ANXA10: variants seen among roughly 807,000 people sequenced by gnomAD.
ANXA10 encodes the protein annexin 14.
A neutral mutation model predicts 53.5 loss-of-function variants in ANXA10; 49 were observed. The observed-to-expected ratio is 0.92, with a 90% CI of 0.73 to 1.16. The LOEUF (loss-of-function observed/expected upper bound fraction) is 1.16, where lower values mean the gene tolerates loss of function less well. Ranked by LOEUF, ANXA10 falls within the 50% of genes most tolerant of loss-of-function variation. ANXA10 has a pLI of 0.00. For synonymous variants in ANXA10, 131 were observed against 128.9 expected (o/e 1.02, Z -0.11); for missense variants, 393 against 394.4 (o/e 1.00, Z 0.03).
intron 1 of ANXA10, among the ~76,000 whole-genome samples, chr4:168,106,196 A>G (rs1362717346): frequency 6.6e-6 from 1 of 152,050 alleles, no homozygotes; most frequent in Non-Finnish European, 1.5e-5. Context: ...ATCTTTGTCC[A>G]TTCCTATTAC....
intron 1 of ANXA10, among the ~76,000 whole-genome samples, chr4:168,102,117 T>G (rs1259513751): frequency 6.6e-6 from 1 of 152,098 alleles, no homozygotes; most frequent in African/African-American, 2.4e-5. Context: ...TACAGTTCAG[T>G]CAAAACACTA....
At chr4:168,123,474 C>T (rs1213096740) in intron 1 of ANXA10, among the ~76,000 whole-genome samples, 1 of 152,082 alleles carries the variant, frequency 6.6e-6, no homozygotes, top group Non-Finnish European at 1.5e-5. Context: ...TTTAATATAC[C>T]TAACAGGAAT....
At chr4:168,177,021 G>C (rs1732143367) in intron 6 of ANXA10, among the ~76,000 whole-genome samples, 1 of 152,044 alleles carries the variant, frequency 6.6e-6, no homozygotes, top group African/African-American at 2.4e-5. Flanking sequence ...AATGGTAGAA[G>C]CAGAAGCTAC....
At chr4:168,175,164 T>C (rs1017852956) in intron 6 of ANXA10, among the ~76,000 whole-genome samples, 1 of 151,864 alleles carries the variant, frequency 6.6e-6, no homozygotes, top group Non-Finnish European at 1.5e-5. Flanking sequence ...TAAAATGAAA[T>C]AGATTGCAGG....
At chr4:168,117,305 C>T (rs1236326825) in intron 1 of ANXA10, among the ~76,000 whole-genome samples, 1 of 152,048 alleles carries the variant, frequency 6.6e-6, no homozygotes, top group East Asian at 1.9e-4. Flanking sequence ...AAATACTTAC[C>T]CCAAAGTGAT....
chr4:168,167,358 A>C (rs1219780785), intron 6 of ANXA10, among the ~76,000 whole-genome samples: 1 of 152,162 alleles, frequency 6.6e-6, no homozygotes, highest in African/African-American at 2.4e-5. Flanking sequence ...CTTTATTGTA[A>C]AATAGGCTTT....
chr4:168,167,027 A>G (rs1368539988), intron 6 of ANXA10, among the ~76,000 whole-genome samples: 2 of 152,120 alleles, frequency 1.3e-5, no homozygotes, highest in African/African-American at 2.4e-5. Context: ...ATAAAAACGC[A>G]AGGTAGATAA....
Position 168,187,364 on chromosome 4 carries a change from A to G in ANXA10, c.907-2A>G, listed in dbSNP as rs143299810. 31 of 1,577,670 alleles carry G rather than the reference A, an allele frequency of 2.0e-5. No individual in the cohort carries two copies. The highest frequency in any genetic ancestry group is 2.5e-5 in the Non-Finnish European group (29 of 1,158,804). The stretch of plus-strand genomic sequence containing the variant: ...TCAAATATATTATATTTTTCTTTTC[A>G]GAATTTTGCTTCAGGGCATTATAAG... On this transcript the variant is annotated splice_acceptor_variant, in intron 11 of 11. Transcript: ENST00000359299. LOFTEE classifies it high-confidence loss of function.
At chr4:168,121,725 C>T (rs892185983) in intron 1 of ANXA10, among the ~76,000 whole-genome samples, 10 of 152,014 alleles carry the variant, frequency 6.6e-5, no homozygotes, top group Non-Finnish European at 1.0e-4. Context: ...ACCAAAAATA[C>T]TTATTTCCCA....
At chr4:168,155,842 TAA>T (rs1731632539) in intron 3 of ANXA10, among the ~76,000 whole-genome samples, 2 of 4,332 alleles carry the variant, frequency 4.6e-4, no homozygotes, top group Non-Finnish European at 7.0e-4. Flanking sequence ...ATATCATATA[TAA>T]TATAATATAT....
intron 6 of ANXA10, among the ~76,000 whole-genome samples, chr4:168,175,222 G>A (rs889582898): frequency 3.3e-5 from 5 of 152,008 alleles, no homozygotes; most frequent in Non-Finnish European, 5.9e-5. Context: ...AGAGAGTGTC[G>A]ATTATACCAA....
At chr4:168,155,287 C>T (rs1731588289) in intron 3 of ANXA10, among the ~76,000 whole-genome samples, 1 of 134,968 alleles carries the variant, frequency 7.4e-6, no homozygotes, top group South Asian at 2.4e-4. Flanking sequence ...CTTATATTGC[C>T]TCTCTTGTTG....
intron 3 of ANXA10, among the ~76,000 whole-genome samples, chr4:168,146,880 C>T (rs1203406498): frequency 6.6e-6 from 1 of 152,202 alleles, no homozygotes; most frequent in Admixed American, 6.5e-5. Context: ...CTGTTCAGAG[C>T]TATAATAGCC....
intron 6 of ANXA10, among the ~76,000 whole-genome samples, chr4:168,168,139 T>C (rs1284591240): frequency 6.6e-6 from 1 of 152,192 alleles, no homozygotes; most frequent in Admixed American, 6.5e-5. Context: ...CAGAGTGCAT[T>C]TCCCTTCCAA....
In ANXA10 at chr4:168,092,659, G is replaced by A. The variant is rs769295394; in HGVS notation, c.-42G>A. The A allele has an allele frequency of 9.6e-6, 15 of 1,570,624 alleles. No individual in the cohort carries two copies. The highest frequency in any genetic ancestry group is 1.2e-5 in the Non-Finnish European group (14 of 1,154,864). ...CACAGTGAAACAAGTTTATGCAATCGATCAAATATTTTCATCCCTGAGGTT... is the reference window on the plus strand; with the variant it reads ...CACAGTGAAACAAGTTTATGCAATCAATCAAATATTTTCATCCCTGAGGTT... On this transcript the variant is annotated 5_prime_UTR_variant, in exon 1 of 12. Transcript: ENST00000359299.
intron 1 of ANXA10, among the ~76,000 whole-genome samples, chr4:168,108,687 A>G (rs997979230): frequency 4.6e-5 from 7 of 152,154 alleles, no homozygotes; most frequent in Admixed American, 4.6e-4. Flanking sequence ...GAGCGCAACA[A>G]ATTATTGGAA....
chr4:168,109,361 T>C (rs1419560796), intron 1 of ANXA10, among the ~76,000 whole-genome samples: 1 of 152,214 alleles, frequency 6.6e-6, no homozygotes, highest in African/African-American at 2.4e-5. Context: ...TGTGCTCAAG[T>C]TTTTTTAAAT....
chr4:168,158,349 A>C (rs1731724370), intron 3 of ANXA10, among the ~76,000 whole-genome samples: 1 of 152,204 alleles, frequency 6.6e-6, no homozygotes, highest in Non-Finnish European at 1.5e-5. Flanking sequence ...ATCTTTTGTC[A>C]AATATGTGAA....
intron 2 of ANXA10, among the ~76,000 whole-genome samples, chr4:168,130,981 CA>C (rs781042405): frequency 1.5e-4 from 23 of 151,726 alleles, no homozygotes; most frequent in Non-Finnish European, 1.8e-4. Context: ...CTTGATTTTC[CA>C]ATTTCAAATT....
Sources: allele counts gnomAD v4.1 joint callset (sites outside exome capture counted in the v4.1 genomes callset), GRCh38; gene constraint gnomAD v4.1.1; transcripts MANE v1.5; gene names NCBI Gene and HGNC (gene_info 2026-07-23, HGNC 2026-07-21).